Variants in TAMM41 observed in about 807,000 individuals in gnomAD.
TAMM41 encodes TAM41 mitochondrial translocator assembly and maintenance homolog.
A neutral mutation model predicts 44.1 loss-of-function variants in TAMM41; 36 were observed. That is an observed-to-expected ratio of 0.82 (90% CI 0.63 to 1.08). The LOEUF is 1.08. TAMM41 is among the 50% of genes least tolerant of loss of function. The pLI is 0.00. For missense variants in TAMM41, 417 were observed against 404.3 expected, an observed-to-expected ratio of 1.03 and a Z score of -0.27; for synonymous variants, 164 against 153.1, an observed-to-expected ratio of 1.07 and a Z score of -0.53.
At chr3:11,806,748 C>T (rs1217758899) in intron 7 of TAMM41, among the ~76,000 whole-genome samples, 2 of 152,030 alleles carry the variant, frequency 1.3e-5, no homozygotes, top group African/African-American at 2.4e-5. Flanking sequence ...GCAATGAATT[C>T]CCGGTAAAAC....
intron 3 of TAMM41, among the ~76,000 whole-genome samples, chr3:11,831,062 T>C (rs923697567): frequency 3.9e-5 from 6 of 152,146 alleles, no homozygotes; most frequent in African/African-American, 1.4e-4. Flanking sequence ...ATAAGGCTGC[T>C]AGAAAGATCA....
intron 4 of TAMM41, among the ~76,000 whole-genome samples, chr3:11,818,646 C>T (rs551827097): frequency 6.6e-6 from 1 of 152,144 alleles, no homozygotes; most frequent in Admixed American, 6.5e-5. Context: ...CCTGTAATCC[C>T]AGCACTTTGG....
chr3:11,724,060 G>GATTTT, the TAMM41 span, among the ~76,000 whole-genome samples: 162 of 151,310 alleles, frequency 1.1e-3, 2 homozygotes, highest in South Asian at 7.6e-3. Flanking sequence ...CATAGCAAAA[G>GATTTT]ATTTTATTTT....
chr3:11,741,574 A>G, the TAMM41 span, among the ~76,000 whole-genome samples: 1 of 150,220 alleles, frequency 6.7e-6, no homozygotes, highest in Non-Finnish European at 1.5e-5. Context: ...AGCACTTATC[A>G]TTCACAGTGG....
chr3:11,743,337 T>C, the TAMM41 span, among the ~76,000 whole-genome samples: 37 of 71,020 alleles, frequency 5.2e-4, no homozygotes, highest in Middle Eastern at 6.0e-3. Context: ...AATAATCTCT[T>C]TTTTTTTTTT....
the TAMM41 span, among the ~76,000 whole-genome samples, chr3:11,784,057 C>A: frequency 6.6e-6 from 1 of 152,194 alleles, no homozygotes; most frequent in African/African-American, 2.4e-5. Context: ...CCGATACAGA[C>A]AGGACCCATA....
downstream of TAMM41, among the ~76,000 whole-genome samples, chr3:11,786,091 C>T (rs114871718): frequency 6.8e-3 from 1,041 of 152,138 alleles, 12 homozygotes; most frequent in African/African-American, 0.024. Flanking sequence ...CAGAGTCTCG[C>T]TCTGGTGCCC....
intron 1 of TAMM41, among the ~76,000 whole-genome samples, chr3:11,845,744 C>T (rs1029537365): frequency 1.3e-5 from 2 of 152,088 alleles, no homozygotes; most frequent in Non-Finnish European, 2.9e-5. Flanking sequence ...AGACTACAGT[C>T]AGGTATCCAG....
chr3:11,822,865 C>T (rs960630397), intron 4 of TAMM41, among the ~76,000 whole-genome samples: 5 of 152,114 alleles, frequency 3.3e-5, no homozygotes, highest in African/African-American at 1.2e-4. Flanking sequence ...TTTGTGTGGA[C>T]ATATGTTTCA....
rs1465011802 is a variant in TAMM41 at position 11,829,646 on chromosome 3, C to A, written c.562+68G>T. The stretch of plus-strand genomic sequence containing the variant: ...TAGCAGCTCCAGGGCCGAGTGAGAA[C>A]AGGATATCCGCAGTCTTCAAATATA... On this transcript the variant is annotated intron_variant, in intron 4 of 7. Coordinates refer to ENST00000455809, the MANE Select transcript of TAMM41 (RefSeq NM_001284401.2). The A allele has an allele frequency of 1.2e-5, 19 of 1,561,046 alleles. No homozygotes were observed. In the South Asian group the frequency reaches 1.7e-4, roughly 14 times the overall value.
the TAMM41 span, among the ~76,000 whole-genome samples, chr3:11,735,994 T>C: frequency 1.3e-5 from 2 of 152,078 alleles, no homozygotes; most frequent in African/African-American, 4.8e-5. Context: ...GATCATGCAG[T>C]AGCCAAAGCA....
the TAMM41 span, among the ~76,000 whole-genome samples, chr3:11,747,421 A>T: frequency 6.6e-6 from 1 of 152,146 alleles, no homozygotes; most frequent in Non-Finnish European, 1.5e-5. Flanking sequence ...GTGGTTACAT[A>T]GGCATATGTG....
the TAMM41 span, among the ~76,000 whole-genome samples, chr3:11,759,846 C>T: frequency 0.14 from 20,662 of 151,934 alleles, 1,610 homozygotes; most frequent in South Asian, 0.19. Context: ...TGGTGGCACG[C>T]GCCTGTAATC....
chr3:11,805,294 A>T (rs571412525), intron 7 of TAMM41, among the ~76,000 whole-genome samples: 1 of 151,808 alleles, frequency 6.6e-6, no homozygotes, highest in South Asian at 2.1e-4. Context: ...GAGTCACCAC[A>T]TCCAGCCTAT....
the TAMM41 span, among the ~76,000 whole-genome samples, chr3:11,749,715 G>A: frequency 6.6e-6 from 1 of 152,100 alleles, no homozygotes; most frequent in African/African-American, 2.4e-5. Context: ...GGAAGGGAGG[G>A]CTCATTCACA....
downstream of TAMM41, among the ~76,000 whole-genome samples, chr3:11,786,525 G>C (rs1224753463): frequency 1.3e-5 from 2 of 151,614 alleles, no homozygotes; most frequent in African/African-American, 4.8e-5. Context: ...GGCTGGTTTC[G>C]AACTCCTGAC....
chr3:11,771,936 A>G, the TAMM41 span, among the ~76,000 whole-genome samples: 1 of 151,932 alleles, frequency 6.6e-6, no homozygotes, highest in Non-Finnish European at 1.5e-5. Flanking sequence ...GTACAGGTTC[A>G]TTTTTCTTAC....
At chr3:11,725,240 TCCTCCC>T in the TAMM41 span, among the ~76,000 whole-genome samples, 1 of 128,498 alleles carries the variant, frequency 7.8e-6, no homozygotes. Context: ...CTTCTCCTTC[TCCTCCC>T]CCTCCTCCTT....
At chr3:11,841,731 C>T (rs528212474) in intron 2 of TAMM41, among the ~76,000 whole-genome samples, 1 of 152,258 alleles carries the variant, frequency 6.6e-6, no homozygotes, top group South Asian at 2.1e-4. Flanking sequence ...TCAGCCTTTT[C>T]CCCCCAACTC....
Sources: gnomAD v4.1 joint callset for allele counts (sites outside exome capture counted in the v4.1 genomes callset) on GRCh38, gnomAD v4.1.1 for gene constraint, MANE v1.5 for transcripts, NCBI Gene and HGNC (gene_info 2026-07-23, HGNC 2026-07-21) for gene names.